GLIS3: variants seen among roughly 807,000 people sequenced by gnomAD.
GLIS3 encodes zinc finger protein GLIS3.
GLIS3 carries 53 observed loss-of-function variants against 78.6 expected under a neutral mutation model. That is an observed-to-expected ratio of 0.67 (90% CI 0.54 to 0.85). The LOEUF (loss-of-function observed/expected upper bound fraction) is 0.85, where lower values mean the gene tolerates loss of function less well. Among genes scored for constraint, GLIS3 ranks in the 40% least tolerant of loss-of-function variants. GLIS3 has a pLI of 0.00. For missense variants in GLIS3, 1,703 were observed against 1,231.1 expected, an observed-to-expected ratio of 1.38 and a Z score of -5.74; for synonymous variants, 684 against 509.9, an observed-to-expected ratio of 1.34 and a Z score of -4.60.
At chr9:4,017,065 T>G (rs796993946) in intron 4 of GLIS3, among the ~76,000 whole-genome samples, 1 of 152,178 alleles carries the variant, frequency 6.6e-6, no homozygotes, top group Non-Finnish European at 1.5e-5. Context: ...GAAGGGCAGT[T>G]TGGCCTTTAT....
At chr9:4,481,473 C>G in the GLIS3 span, among the ~76,000 whole-genome samples, 2 of 145,140 alleles carry the variant, frequency 1.4e-5, no homozygotes, top group Non-Finnish European at 3.0e-5. Flanking sequence ...GAGCAAGACC[C>G]CATCAAAAAA....
chr9:4,275,206 G>C (rs987836224), intron 2 of GLIS3, among the ~76,000 whole-genome samples: 2 of 152,188 alleles, frequency 1.3e-5, no homozygotes, highest in Non-Finnish European at 2.9e-5. Flanking sequence ...CTCCCGAGTA[G>C]GCAACGCTCT....
At chr9:4,473,454 C>CACCAAAAAAAAAA in the GLIS3 span, among the ~76,000 whole-genome samples, 38 of 58,886 alleles carry the variant, frequency 6.5e-4, 11 homozygotes, top group Non-Finnish European at 9.1e-4. Flanking sequence ...TCAACAACAA[C>CACCAAAAAAAAAA]AACAACAAAA....
At chr9:4,218,480 G>A (rs1821049530) in intron 2 of GLIS3, among the ~76,000 whole-genome samples, 1 of 152,144 alleles carries the variant, frequency 6.6e-6, no homozygotes. Context: ...GGGTTTCACT[G>A]TGTTAGCCAG....
chr9:4,442,651 A>G, the GLIS3 span, among the ~76,000 whole-genome samples: 1 of 151,920 alleles, frequency 6.6e-6, no homozygotes, highest in Non-Finnish European at 1.5e-5. Context: ...CCTTAAATAT[A>G]TATATTTCAA....
At chr9:4,476,031 G>A in the GLIS3 span, among the ~76,000 whole-genome samples, 12 of 152,116 alleles carry the variant, frequency 7.9e-5, no homozygotes, top group South Asian at 2.5e-3. Context: ...TTACAGATGT[G>A]AGCCAACATG....
intron 2 of GLIS3, among the ~76,000 whole-genome samples, chr9:4,202,210 G>C (rs2131267609): frequency 6.9e-6 from 1 of 144,852 alleles, no homozygotes; most frequent in Middle Eastern, 3.6e-3. Context: ...GAAGACAGTG[G>C]CACAATCTCG....
intron 6 of GLIS3, among the ~76,000 whole-genome samples, chr9:3,920,660 T>G (rs898170307): frequency 1.3e-5 from 2 of 150,950 alleles, no homozygotes; most frequent in African/African-American, 4.9e-5. Flanking sequence ...CTTTGGATCC[T>G]TGGTTGCTAT....
rs71510217 is a variant in GLIS3, at chr9:4,321,276, G to T, written n.265-10748C>A. Among the ~76,000 whole-genome samples the T allele has an allele frequency of 6.5e-4, 71 of 109,836 alleles. 16 individuals carry two copies. Among genetic ancestry groups the T allele is most frequent in the African/African-American group, 3.3e-3 (68 of 20,406 alleles). The allele number at this position is 109,836 out of a possible 152,430, so 72.1% of individuals were successfully genotyped here. On this transcript the variant is annotated intron_variant and non_coding_transcript_variant, in intron 2 of 4. Transcript: ENST00000471664. ...TCTACTAAAAATACAAAAAAAATTA[G>T]CCGGGAGTGGTGGCGGGCGCCTGTA...
the GLIS3 span, among the ~76,000 whole-genome samples, chr9:4,408,391 G>C: frequency 6.6e-6 from 1 of 151,128 alleles, no homozygotes; most frequent in Non-Finnish European, 1.5e-5. Flanking sequence ...TGGTTACCTG[G>C]GGCGGTAGGG....
chr9:4,077,456 T>C (rs1828175398), intron 4 of GLIS3, among the ~76,000 whole-genome samples: 1 of 152,132 alleles, frequency 6.6e-6, no homozygotes, highest in Non-Finnish European at 1.5e-5. Context: ...AAATAAAACT[T>C]AGAAAGGAAA....
intron 2 of GLIS3, among the ~76,000 whole-genome samples, chr9:4,268,516 G>C (rs1314126151): frequency 6.6e-6 from 1 of 152,096 alleles, no homozygotes; most frequent in Non-Finnish European, 1.5e-5. Context: ...GTTCTGAAAG[G>C]AATTCAATAA....
intron 2 of GLIS3, among the ~76,000 whole-genome samples, chr9:4,340,672 T>A (rs1304606390): frequency 6.6e-6 from 1 of 152,138 alleles, no homozygotes; most frequent in Non-Finnish European, 1.5e-5. Flanking sequence ...CGGAACCAGA[T>A]CCCACCTGAT....
the GLIS3 span, among the ~76,000 whole-genome samples, chr9:4,390,069 T>A: frequency 3.3e-5 from 5 of 152,278 alleles, no homozygotes; most frequent in East Asian, 9.6e-4. Context: ...AATAAAAAAT[T>A]TCTGGCAGAG....
At chr9:4,003,642 C>T (rs1176889627) in intron 4 of GLIS3, among the ~76,000 whole-genome samples, 1 of 152,208 alleles carries the variant, frequency 6.6e-6, no homozygotes, top group Non-Finnish European at 1.5e-5. Context: ...CCATTCTGCA[C>T]ATTTGAATAC....
At chr9:4,269,636 A>C (rs10974425) in intron 2 of GLIS3, among the ~76,000 whole-genome samples, 32,362 of 152,140 alleles carry the variant, frequency 0.21, 3,948 homozygotes, top group South Asian at 0.45. Context: ...GAGTATTTTC[A>C]TATTTAAATG....
At chr9:4,184,634 C>G (rs1040423440) in intron 2 of GLIS3, among the ~76,000 whole-genome samples, 5 of 152,196 alleles carry the variant, frequency 3.3e-5, no homozygotes, top group African/African-American at 1.2e-4. Context: ...CAGGTTGGTA[C>G]TTCATGTAGG....
At chr9:4,027,483 C>A (rs1264732592) in intron 4 of GLIS3, among the ~76,000 whole-genome samples, 1 of 150,682 alleles carries the variant, frequency 6.6e-6, no homozygotes, top group African/African-American at 2.5e-5. Context: ...ATATTCACTC[C>A]CCCCACCTCA....
chr9:4,425,995 G>T, the GLIS3 span, among the ~76,000 whole-genome samples: 7,756 of 152,174 alleles, frequency 0.051, 425 homozygotes, highest in East Asian at 0.29. Context: ...TACCCTTAGA[G>T]AAACTGAGGC....
Sources: gnomAD v4.1 joint callset for allele counts (sites outside exome capture counted in the v4.1 genomes callset) on GRCh38, gnomAD v4.1.1 for gene constraint, MANE v1.5 for transcripts, NCBI Gene and HGNC (gene_info 2026-07-23, HGNC 2026-07-21) for gene names.